The following NSMAF variants were observed in gnomAD, a reference collection of about 807,000 sequenced individuals.
The protein encoded by NSMAF is protein FAN.
Under a neutral mutation model 134.9 loss-of-function variants are expected in NSMAF, and 90 were observed. The ratio of observed to expected loss-of-function variants is 0.67; its 90% CI spans 0.56 to 0.79. The LOEUF (loss-of-function observed/expected upper bound fraction) is 0.79. NSMAF is among the 30% of genes least tolerant of loss of function. The pLI is 0.00. For synonymous variants in NSMAF, 358 were observed against 389.6 expected (o/e 0.92, Z 0.96); for missense variants, 1,010 against 1,119.0 (o/e 0.90, Z 1.39).
At chr8:58,589,972 C>A (rs762511767) in intron 25 of NSMAF, 35 bp downstream of exon 25, 6 of 1,580,586 alleles carry the variant, frequency 3.8e-6, no homozygotes, top group Middle Eastern at 1.7e-4. Flanking sequence ...CTATTCTGCA[C>A]GTCGAATCAC....
At chr8:58,586,759 A>G in intron 27 of NSMAF, 151 bp from the exon 28 acceptor site, 1 of 578,004 alleles carries the variant, frequency 1.7e-6, no homozygotes, top group Non-Finnish European at 3.0e-6. Context: ...GTATTTCAAC[A>G]TCATCCTACG....
chr8:58,659,429 AG>A, intron 1 of NSMAF, 143 bp downstream of exon 1: 3 of 1,499,342 alleles, frequency 2.0e-6, no homozygotes, highest in Non-Finnish European at 2.7e-6. Flanking sequence ...CACAGCCCCC[AG>A]CCCAGGCCCT....
At chr8:58,600,078 T>C in intron 16 of NSMAF, 57 bp from the exon 17 acceptor site, 2 of 1,301,564 alleles carry the variant, frequency 1.5e-6, no homozygotes, top group Non-Finnish European at 2.2e-6. Flanking sequence ...AATAGCAGCA[T>C]TTCCTATGCA....
chr8:58,631,360 G>A, intron 6 of NSMAF, 136 bp downstream of exon 6: 1 of 424,448 alleles, frequency 2.4e-6, no homozygotes, highest in Non-Finnish European at 4.3e-6. Flanking sequence ...GGGTAATTTT[G>A]TTATAACTTC....
intron 26 of NSMAF, chr8:58,588,836 C>T (rs1805956162): frequency 3.9e-6 from 3 of 771,240 alleles, no homozygotes; most frequent in Non-Finnish European, 6.9e-6. Context: ...TATTTCTGAT[C>T]ATGGCAGATG....
At position 58,623,759 on chromosome 8, in the gene NSMAF, C is replaced by A; in HGVS notation, c.406G>T (p.Glu136Ter). 1 of 1,614,048 alleles carries A rather than the reference C, an allele frequency of 6.2e-7. No homozygotes were observed. Residue 136 changes from glutamate to a stop codon, truncating the protein, a stop_gained, in exon 7 of 31, where the codon GAA becomes TAA. Transcript: ENST00000038176. LOFTEE classifies it high-confidence loss of function. Reference sequence around the variant, plus strand: ...TCCACTTTCCCGGGAACATCCAATTCAAAAACATATTCCATTTTGCCCTAA... The same window carrying A: ...TCCACTTTCCCGGGAACATCCAATTAAAAAACATATTCCATTTTGCCCTAA... ...IERGKMEYVF[E>*]LDVPGKVEDV...
chr8:58,659,481 G>A (rs1807809885), intron 1 of NSMAF, 92 bp downstream of exon 1: 1 of 1,484,636 alleles, frequency 6.7e-7, no homozygotes, highest in Non-Finnish European at 9.0e-7. Flanking sequence ...CGGCCCCCAC[G>A]CCGCCTCCCG....
chr8:58,589,479 A>C lies in NSMAF; in HGVS notation c.2184T>G (p.Tyr728Ter). The C allele has an allele frequency of 6.5e-7, 1 of 1,550,126 alleles. No homozygotes were observed. Among genetic ancestry groups the C allele is most frequent in the Non-Finnish European group, 8.6e-7 (1 of 1,158,204 alleles). ...TCACTGTAGAGTCCCACGATGCAGA[A>C]TATAGCCTGTTGTCATGCCAACAGA... The part of the protein sequence containing the change: ...SKICWHDNRL[Y>*]SASWDSTVKV... The change falls in exon 26 of 31, where the codon TAT becomes TAG. Residue 728 changes from tyrosine to a stop codon, truncating the protein, a stop_gained. Transcript: ENST00000038176. LOFTEE classifies it high-confidence loss of function.
rs755237683 is a variant in NSMAF, at chr8:58,605,965, T to A, written c.830A>T (p.Asp277Val). 1.9e-6 allele frequency: 3 copies of A among 1,600,792 alleles called. No homozygotes were observed. The South Asian group carries it at 3.4e-5, about 18-fold the overall frequency. The change falls in exon 12 of 31, where the codon GAT becomes GTT. Residue 277 changes from aspartate (D) to valine (V), a missense_variant. Physicochemically the swap from Asp to Val is radical, Grantham distance 152. Coordinates refer to ENST00000038176, the MANE Select transcript of NSMAF (RefSeq NM_003580.4). ...DIYLKFYEPQ[D>V]RDDLYFYIAT... ...AATGTAAAAATAGAGATCATCTCTA[T>A]CTTGAGGTTCATAGAACTTTAGGTA...
At chr8:58,592,100 C>A (rs1806034141) in intron 23 of NSMAF, among the ~76,000 whole-genome samples, 1 of 152,188 alleles carries the variant, frequency 6.6e-6, no homozygotes, top group South Asian at 2.1e-4. Context: ...ATAATTAGAT[C>A]TGATAGTCTT....
At position 58,659,563 on chromosome 8, in the gene NSMAF, G is replaced by C. The variant is rs1807814465; in HGVS notation, c.59+10C>G. The C allele has an allele frequency of 1.3e-6, 2 of 1,526,964 alleles. No homozygotes were observed. The highest frequency in any genetic ancestry group is 1.4e-5 in the African/African-American group (1 of 69,668). 94.6% of individuals were successfully genotyped at this position (1,526,964 alleles called of 1,614,324 possible). A position where few individuals can be genotyped will look rare whatever the true frequency, so the allele number is the denominator to read the frequency against. The stretch of plus-strand genomic sequence containing the variant: ...CCCCCGGCTGGGCCCTTCTTCAGCT[G>C]GGCGCGCACCTCTCCTTGGAGTAGA... On this transcript the variant is annotated intron_variant, in intron 1 of 30. Coordinates refer to ENST00000038176, the MANE Select transcript of NSMAF (RefSeq NM_003580.4).
At chr8:58,585,404 T>C (rs1318614366) in intron 30 of NSMAF, among the ~76,000 whole-genome samples, 1 of 152,048 alleles carries the variant, frequency 6.6e-6, no homozygotes, top group African/African-American at 2.4e-5. Context: ...ACGATGGTTT[T>C]TAATTCTCCA....
At chr8:58,650,284 A>G (rs973726899) in intron 1 of NSMAF, among the ~76,000 whole-genome samples, 2 of 152,026 alleles carry the variant, frequency 1.3e-5, no homozygotes, top group Non-Finnish European at 2.9e-5. Context: ...TTTTGTTTTT[A>G]TTTTTTTAAT....
intron 22 of NSMAF, among the ~76,000 whole-genome samples, chr8:58,595,101 T>G (rs1032626838): frequency 2.0e-5 from 3 of 151,864 alleles, no homozygotes. Context: ...CCCAATTTCT[T>G]AGAAGCATAA....
intron 9 of NSMAF, among the ~76,000 whole-genome samples, chr8:58,617,519 T>C (rs1477714317): frequency 6.6e-6 from 1 of 152,178 alleles, no homozygotes; most frequent in Non-Finnish European, 1.5e-5. Context: ...CAGACACTTA[T>C]CAAAAGAAGA....
intron 1 of NSMAF, among the ~76,000 whole-genome samples, chr8:58,656,555 G>A (rs943821338): frequency 1.3e-5 from 2 of 152,060 alleles, no homozygotes; most frequent in Non-Finnish European, 2.9e-5. Context: ...GGCCGGGCAC[G>A]GTGGCTCACG....
At chr8:58,621,421 G>A (rs1356159052) in intron 9 of NSMAF, among the ~76,000 whole-genome samples, 2 of 152,118 alleles carry the variant, frequency 1.3e-5, no homozygotes, top group Non-Finnish European at 2.9e-5. Context: ...ATAAGCCTAC[G>A]TGTGCATGTA....
chr8:58,590,745 G>A, intron 24 of NSMAF, 122 bp downstream of exon 24: 1 of 1,045,580 alleles, frequency 9.6e-7, no homozygotes, highest in Non-Finnish European at 1.3e-6. Flanking sequence ...AAGGTATCTG[G>A]TAGATTTACT....
chr8:58,588,583 G>A (rs937227705), intron 26 of NSMAF: 10 of 1,327,762 alleles, frequency 7.5e-6, no homozygotes, highest in Non-Finnish European at 1.1e-5. Context: ...AAGCAAATAG[G>A]CATCAAAGAT....
Sources: gnomAD v4.1 joint callset for allele counts (sites outside exome capture counted in the v4.1 genomes callset) on GRCh38, gnomAD v4.1.1 for gene constraint, MANE v1.5 for transcripts, NCBI Gene and HGNC (gene_info 2026-07-23, HGNC 2026-07-21) for gene names.